REV3L: variants seen among roughly 807,000 people sequenced by gnomAD.
REV3L encodes the protein REV3 like, DNA directed polymerase zeta catalytic subunit, also known as DNA polymerase zeta catalytic subunit.
REV3L carries 69 observed loss-of-function variants against 299.4 expected under a neutral mutation model. The ratio of observed to expected loss-of-function variants is 0.23; its 90% CI spans 0.19 to 0.28. The LOEUF (loss-of-function observed/expected upper bound fraction) is 0.28, where lower values mean the gene tolerates loss of function less well. REV3L is among the 10% of genes least tolerant of loss of function. The pLI is 1.00. For missense variants in REV3L, 3,128 were observed against 3,693.8 expected, an observed-to-expected ratio of 0.85 and a Z score of 3.97; for synonymous variants, 1,238 against 1,271.4, an observed-to-expected ratio of 0.97 and a Z score of 0.56.
At chr6:111,389,764 G>A (rs1781717979) in intron 6 of REV3L, among the ~76,000 whole-genome samples, 1 of 98,822 alleles carries the variant, frequency 1.0e-5, no homozygotes, top group South Asian at 3.5e-4. Context: ...TTGAGATAGA[G>A]TCTTGCTCTA....
intron 4 of REV3L, among the ~76,000 whole-genome samples, chr6:111,398,902 T>C (rs1001994994): frequency 6.1e-4 from 93 of 152,164 alleles, no homozygotes; most frequent in Admixed American, 6.1e-3. Flanking sequence ...TTTAACTTCC[T>C]TTCTACCAAA....
chr6:111,468,495 T>TA (rs1482610655), intron 1 of REV3L, among the ~76,000 whole-genome samples: 3 of 151,992 alleles, frequency 2.0e-5, no homozygotes, highest in Non-Finnish European at 2.9e-5. Flanking sequence ...GAGAAGGAAA[T>TA]ACCATAAGGG....
chr6:111,442,870 T>C (rs187249306), intron 1 of REV3L, among the ~76,000 whole-genome samples: 2 of 152,324 alleles, frequency 1.3e-5, no homozygotes, highest in Admixed American at 6.5e-5. Flanking sequence ...TCAATTATGA[T>C]GTGCCATGGT....
chr6:111,466,302 A>G (rs540320939), intron 1 of REV3L, among the ~76,000 whole-genome samples: 1 of 152,226 alleles, frequency 6.6e-6, no homozygotes, highest in Non-Finnish European at 1.5e-5. Flanking sequence ...CAAAATATAC[A>G]AATTTAAAAC....
chr6:111,361,415 C>A (rs1214355384), intron 16 of REV3L: 4 of 123,834 alleles, frequency 3.2e-5, no homozygotes, highest in East Asian at 2.4e-4. Flanking sequence ...AAAACACACA[C>A]ACACAAAAAA....
At chr6:111,411,888 G>C in intron 2 of REV3L, 1 of 689,934 alleles carries the variant, frequency 1.4e-6, no homozygotes, top group Non-Finnish European at 1.8e-6. Flanking sequence ...TCTTTAAGTG[G>C]CTTTTTGTTT....
At chr6:111,300,500 C>G (rs1459494833) in intron 31 of REV3L, among the ~76,000 whole-genome samples, 2 of 152,168 alleles carry the variant, frequency 1.3e-5, no homozygotes, top group Admixed American at 1.3e-4. Flanking sequence ...TTTCAAAGTA[C>G]TTAGACTATA....
chr6:111,323,450 C>T (rs1219214466), intron 25 of REV3L, among the ~76,000 whole-genome samples: 7 of 152,062 alleles, frequency 4.6e-5, no homozygotes, highest in Non-Finnish European at 1.0e-4. Flanking sequence ...AATCTTGTCA[C>T]TAGTTATACA....
At chr6:111,412,914 G>C (rs1784393767) in intron 2 of REV3L, among the ~76,000 whole-genome samples, 1 of 152,024 alleles carries the variant, frequency 6.6e-6, no homozygotes, top group Admixed American at 6.6e-5. Flanking sequence ...CCCTCAAGTG[G>C]AAAGCTCCGC....
Position 111,343,315 on chromosome 6 carries a change from A to G in REV3L, c.7538+610T>C, listed in dbSNP as rs17539958. Among the ~76,000 whole-genome samples, 1,413 of 152,302 alleles carry G rather than the reference A, an allele frequency of 9.3e-3. 23 individuals carry two copies. Among genetic ancestry groups the G allele is most frequent in the African/African-American group, 0.032 (1,338 of 41,558 alleles). On this transcript the variant is annotated intron_variant, in intron 21 of 31. Coordinates refer to ENST00000368802, the MANE Select transcript of REV3L (RefSeq NM_001372078.1). ...TCTTCAAAGCCAAGATAGATTATGA[A>G]TATTTCCATTAATATGAAGTTCTAT... is the stretch of plus-strand genomic sequence containing the variant.
intron 24 of REV3L, 57 bp from the exon 25 acceptor site, chr6:111,329,795 TAAG>T: frequency 7.6e-7 from 1 of 1,320,084 alleles, no homozygotes; most frequent in South Asian, 1.2e-5. Context: ...TTTACATAAT[TAAG>T]AAGGAAGCAT....
intron 1 of REV3L, among the ~76,000 whole-genome samples, chr6:111,422,728 G>C (rs1295129322): frequency 7.1e-6 from 1 of 140,356 alleles, no homozygotes; most frequent in African/African-American, 2.6e-5. Flanking sequence ...TACAACTTGT[G>C]TAAACAAAAG....
chr6:111,321,377 T>C (rs1324464329), intron 26 of REV3L, among the ~76,000 whole-genome samples: 1 of 152,224 alleles, frequency 6.6e-6, no homozygotes, highest in Non-Finnish European at 1.5e-5. Flanking sequence ...GCCCCTGAAT[T>C]AAAATCAGTA....
intron 1 of REV3L, among the ~76,000 whole-genome samples, chr6:111,463,949 T>C (rs1198096698): frequency 6.6e-6 from 1 of 152,124 alleles, no homozygotes; most frequent in Non-Finnish European, 1.5e-5. Flanking sequence ...TCAACATAAT[T>C]GACGCAGCAT....
Position 111,483,026 on chromosome 6 carries a change from C to A in REV3L, c.-138G>T. Reference sequence around the variant, plus strand: ...CCCCTCCCCTCACACAGAGGCACCTCGAGGAGCGGCGGGCGGGGCGGTGTA... The same window carrying A: ...CCCCTCCCCTCACACAGAGGCACCTAGAGGAGCGGCGGGCGGGGCGGTGTA... On this transcript the variant is annotated 5_prime_UTR_variant, in exon 1 of 32. Transcript: ENST00000368802. The A allele has an allele frequency of 1.9e-6, 2 of 1,079,110 alleles. No individual in the cohort carries two copies. Among genetic ancestry groups the A allele is most frequent in the Admixed American group, 4.2e-5 (1 of 23,772 alleles). 66.8% of individuals were successfully genotyped at this position (1,079,110 alleles called of 1,614,324 possible).
intron 1 of REV3L, among the ~76,000 whole-genome samples, chr6:111,471,554 A>C (rs1792211982): frequency 6.6e-6 from 1 of 152,230 alleles, no homozygotes; most frequent in Admixed American, 6.5e-5. Context: ...CAGGTAAAGA[A>C]AGTAACATTT....
In REV3L at chr6:111,347,552, T is replaced by C. The variant is rs530243065; in HGVS notation, c.7419+1666A>G. 1.5e-3 allele frequency among the ~76,000 whole-genome samples: 228 copies of C among 152,284 alleles called. 1 individual carries two copies. Among genetic ancestry groups the C allele is most frequent in the Admixed American group, 3.5e-3 (54 of 15,298 alleles). ...ATAATAATAAGTATATAATAGAAAGTGTCTAATGAGAAAGTAGTTTCAAAG... is the reference window on the plus strand; with the variant it reads ...ATAATAATAAGTATATAATAGAAAGCGTCTAATGAGAAAGTAGTTTCAAAG... On this transcript the variant is annotated intron_variant, in intron 20 of 31. Transcript: ENST00000368802.
At chr6:111,452,616 A>G (rs904404759) in intron 1 of REV3L, among the ~76,000 whole-genome samples, 7 of 152,202 alleles carry the variant, frequency 4.6e-5, no homozygotes, top group African/African-American at 1.7e-4. Flanking sequence ...GATATAGCAG[A>G]TAAGTGGTTG....
At chr6:111,318,236 T>G (rs771820353) in intron 26 of REV3L, among the ~76,000 whole-genome samples, 1 of 151,806 alleles carries the variant, frequency 6.6e-6, no homozygotes. Flanking sequence ...TACAGGGGCC[T>G]ACCACCACGC....
Sources: gnomAD v4.1 joint callset for allele counts (sites outside exome capture counted in the v4.1 genomes callset) on GRCh38, gnomAD v4.1.1 for gene constraint, MANE v1.5 for transcripts, NCBI Gene and HGNC (gene_info 2026-07-23, HGNC 2026-07-21) for gene names.